CFAP47: variants seen among roughly 807,000 people sequenced by gnomAD.
The protein encoded by CFAP47 is cilia and flagella associated protein 47.
In CFAP47, 29 loss-of-function variants were observed where a neutral mutation model predicts 148.1. The ratio of observed to expected loss-of-function variants is 0.20; its 90% confidence interval spans 0.15 to 0.27. The LOEUF (loss-of-function observed/expected upper bound fraction) is 0.27, where lower values mean the gene tolerates loss of function less well. CFAP47 is among the 10% of genes least tolerant of loss of function. The probability of loss-of-function intolerance (pLI) is 1.00; values close to 1 mark genes in which losing one functional copy is unlikely to be tolerated. For synonymous variants in CFAP47, 664 were observed against 577.3 expected (o/e 1.15, Z -2.15); for missense variants, 1,872 against 1,697.5 (o/e 1.10, Z -1.81).
At chrX:36,198,848 G>A (rs1484264659) in intron 42 of CFAP47, among the ~76,000 whole-genome samples, 1 of 111,279 alleles carries the variant, frequency 9.0e-6, no homozygotes, top group Non-Finnish European at 1.9e-5. Flanking sequence ...CTTTGGCTGG[G>A]CAGGGATCCA....
intron 45 of CFAP47, among the ~76,000 whole-genome samples, chrX:36,227,314 A>G (rs73197191): frequency 0.058 from 6,430 of 111,729 alleles, 161 homozygotes; most frequent in Middle Eastern, 0.14. Flanking sequence ...ACAAATTTCA[A>G]ATATTATCCA....
chrX:36,081,527 A>G (rs1379608996), intron 29 of CFAP47, among the ~76,000 whole-genome samples: 4 of 111,201 alleles, frequency 3.6e-5, no homozygotes, highest in Non-Finnish European at 5.7e-5. Flanking sequence ...AAAACCTGGC[A>G]GAGACACATT....
intron 46 of CFAP47, among the ~76,000 whole-genome samples, chrX:36,230,265 A>G (rs1469526329): frequency 1.9e-5 from 2 of 104,839 alleles, no homozygotes; most frequent in Non-Finnish European, 3.9e-5. Flanking sequence ...CATCCTCTCC[A>G]GCACCTGTTG....
At chrX:36,051,069 T>A (rs1164790276) in intron 26 of CFAP47, among the ~76,000 whole-genome samples, 1 of 112,249 alleles carries the variant, frequency 8.9e-6, no homozygotes, top group Non-Finnish European at 1.9e-5. Flanking sequence ...CACCTGGATG[T>A]CCAGGCAGCA....
At chrX:36,023,480 G>A (rs906391304) in intron 22 of CFAP47, among the ~76,000 whole-genome samples, 2 of 111,490 alleles carry the variant, frequency 1.8e-5, no homozygotes, top group African/African-American at 6.5e-5. Context: ...GTTCACTCAA[G>A]GCCCTAGGGC....
chrX:36,211,144 G>A (rs1555989432), intron 45 of CFAP47: 9 of 261,657 alleles, frequency 3.4e-5, no homozygotes, highest in Non-Finnish European at 5.7e-5. Context: ...GCAGCCAAGA[G>A]GCAAAATGTC....
At chrX:36,222,502 A>G (rs1056573082) in intron 45 of CFAP47, among the ~76,000 whole-genome samples, 7 of 110,413 alleles carry the variant, frequency 6.3e-5, no homozygotes, top group Non-Finnish European at 1.3e-4. Context: ...TTTGTCAATA[A>G]TAAGTATAGG....
chrX:36,382,311 G>A (rs781924680), intron 63 of CFAP47, among the ~76,000 whole-genome samples: 5 of 111,588 alleles, frequency 4.5e-5, no homozygotes, highest in African/African-American at 1.6e-4. Flanking sequence ...TACAGTAACC[G>A]CCACTATTCC....
chrX:36,323,863 A>G (rs1340716700), intron 57 of CFAP47, among the ~76,000 whole-genome samples: 4 of 111,761 alleles, frequency 3.6e-5, no homozygotes, highest in Non-Finnish European at 7.6e-5. Context: ...CCCATTGGAA[A>G]AAGGGTTCAC....
intron 29 of CFAP47, among the ~76,000 whole-genome samples, chrX:36,081,818 A>G (rs955079768): frequency 1.8e-5 from 2 of 111,526 alleles, no homozygotes; most frequent in Non-Finnish European, 3.8e-5. Context: ...ATCTCAACAG[A>G]GTCACCAGCA....
chrX:36,371,577 A>ATACATGTGTG (rs1941936446), intron 62 of CFAP47, among the ~76,000 whole-genome samples: 1 of 98,087 alleles, frequency 1.0e-5, no homozygotes, highest in African/African-American at 3.7e-5. Context: ...ATATGTGTGT[A>ATACATGTGTG]TATATATGTG....
intron 17 of CFAP47, among the ~76,000 whole-genome samples, chrX:35,992,175 G>T: frequency 9.1e-6 from 1 of 109,714 alleles, no homozygotes; most frequent in East Asian, 2.8e-4. Context: ...TCTGTTATTT[G>T]GTTTTATTGA....
At chrX:35,925,726 G>A (rs898907130) in intron 1 of CFAP47, among the ~76,000 whole-genome samples, 2 of 111,842 alleles carry the variant, frequency 1.8e-5, no homozygotes, top group African/African-American at 3.3e-5. Flanking sequence ...GCACGACCTC[G>A]GCTCACTGCA....
intron 40 of CFAP47, among the ~76,000 whole-genome samples, chrX:36,180,229 T>C (rs1214911456): frequency 1.1e-5 from 1 of 94,287 alleles, no homozygotes; most frequent in Non-Finnish European, 2.2e-5. Flanking sequence ...AGAAATTTGC[T>C]GAATAATGAA....
intron 51 of CFAP47, among the ~76,000 whole-genome samples, chrX:36,295,769 A>G (rs1313945942): frequency 8.9e-6 from 1 of 112,137 alleles, no homozygotes; most frequent in African/African-American, 3.2e-5. Flanking sequence ...ATTATGTTAA[A>G]GGTGTCATTT....
At chrX:35,989,144 G>A (rs774240781) in intron 15 of CFAP47, among the ~76,000 whole-genome samples, 175 bp from the exon 16 acceptor site, 3 of 111,565 alleles carry the variant, frequency 2.7e-5, no homozygotes, top group Non-Finnish European at 5.7e-5. Flanking sequence ...AAACCCTATA[G>A]GTCAATACTC....
intron 18 of CFAP47, among the ~76,000 whole-genome samples, chrX:35,996,216 G>T (rs1047988799): frequency 5.7e-4 from 63 of 111,181 alleles, no homozygotes; most frequent in African/African-American, 2.0e-3. Flanking sequence ...TGTGTATGGG[G>T]TTTATTAATG....
chrX:36,319,352 C>A (rs1420578972), intron 57 of CFAP47, 45 bp downstream of exon 57: 1 of 573,950 alleles, frequency 1.7e-6, no homozygotes. Context: ...TTTGTTGTTG[C>A]ATTTCAGAGA....
At chrX:35,944,585 T>C (rs1936058715) in intron 3 of CFAP47, among the ~76,000 whole-genome samples, 1 of 111,473 alleles carries the variant, frequency 9.0e-6, no homozygotes, top group Non-Finnish European at 1.9e-5. Context: ...GAAATAGCAA[T>C]AGCCTGGGGT....
Sources: allele counts gnomAD v4.1 joint callset (sites outside exome capture counted in the v4.1 genomes callset), GRCh38; gene constraint gnomAD v4.1.1; transcripts MANE v1.5; gene names NCBI Gene and HGNC (gene_info 2026-07-23, HGNC 2026-07-21).